The following GDPD1 variants were observed in gnomAD, a reference collection of about 807,000 sequenced individuals.
The protein encoded by GDPD1 is lysophospholipase D GDPD1.
GDPD1 carries 28 observed loss-of-function variants against 45.1 expected under a neutral mutation model. That is an observed-to-expected ratio of 0.62 (90% CI 0.46 to 0.85). GDPD1 has a LOEUF of 0.85. Ranked by LOEUF, GDPD1 falls within the 40% of genes least tolerant of loss-of-function variation. The pLI, the probability that GDPD1 is intolerant of heterozygous loss-of-function variation, is 0.00. For synonymous variants in GDPD1, 139 were observed against 131.4 expected (o/e 1.06, Z -0.40); for missense variants, 256 against 364.8 (o/e 0.70, Z 2.43).
intron 3 of GDPD1, among the ~76,000 whole-genome samples, chr17:59,247,782 C>T (rs916831196): frequency 6.6e-6 from 1 of 151,998 alleles, no homozygotes. Context: ...AGGCATGCGC[C>T]ACCACACCTG....
intron 3 of GDPD1, among the ~76,000 whole-genome samples, chr17:59,247,309 G>A (rs1000914526): frequency 5.3e-5 from 8 of 152,058 alleles, no homozygotes; most frequent in African/African-American, 1.9e-4. Context: ...AATTTATAAT[G>A]ACATGTATCC....
chr17:59,241,593 C>T (rs1310292824), intron 2 of GDPD1, among the ~76,000 whole-genome samples: 1 of 151,582 alleles, frequency 6.6e-6, no homozygotes, highest in Non-Finnish European at 1.5e-5. Flanking sequence ...GCTGGGATTA[C>T]AGGCATGAGC....
intron 8 of GDPD1, among the ~76,000 whole-genome samples, chr17:59,271,255 G>A (rs914161789): frequency 2.0e-5 from 3 of 152,044 alleles, no homozygotes; most frequent in Non-Finnish European, 2.9e-5. Context: ...TTATTTACTT[G>A]GGGTTATCTA....
At chr17:59,251,191 C>T (rs1392829118) in intron 4 of GDPD1, among the ~76,000 whole-genome samples, 2 of 152,192 alleles carry the variant, frequency 1.3e-5, no homozygotes, top group East Asian at 3.8e-4. Context: ...TACTCCCTCT[C>T]CATTGGAACA....
chr17:59,266,218 C>A, intron 6 of GDPD1, among the ~76,000 whole-genome samples: 1 of 151,778 alleles, frequency 6.6e-6, no homozygotes, highest in East Asian at 1.9e-4. Context: ...GAAACCACAT[C>A]TCTACTAAAA....
At chr17:59,224,551 G>A (rs1239126924) in intron 1 of GDPD1, among the ~76,000 whole-genome samples, 1 of 151,646 alleles carries the variant, frequency 6.6e-6, no homozygotes, top group Non-Finnish European at 1.5e-5. Context: ...CGTGAACCCG[G>A]GAGGCGGAGC....
chr17:59,242,414 A>G (rs1192121265), intron 2 of GDPD1, among the ~76,000 whole-genome samples: 1 of 152,164 alleles, frequency 6.6e-6, no homozygotes. Flanking sequence ...ATAAAAGTTT[A>G]TATTCTAAAA....
At chr17:59,245,918 C>T (rs1321488745) in intron 3 of GDPD1, among the ~76,000 whole-genome samples, 4 of 151,864 alleles carry the variant, frequency 2.6e-5, no homozygotes, top group Non-Finnish European at 2.9e-5. Flanking sequence ...GTCAGGAGTT[C>T]GAGACCAGCC....
In GDPD1 at chr17:59,274,438, G is replaced by A. The variant is rs142165369; in HGVS notation, c.*665G>A. The A allele has an allele frequency of 0.03, 4,538 of 150,664 alleles. 227 individuals carry two copies. The highest frequency in any genetic ancestry group is 0.11 in the African/African-American group (4,309 of 40,792). The allele number at this position is 150,664 out of a possible 1,614,324, so 9.3% of individuals were successfully genotyped here. A position where few individuals can be genotyped will look rare whatever the true frequency, so the allele number is the denominator to read the frequency against. On this transcript the variant is annotated 3_prime_UTR_variant, in exon 10 of 10. Transcript: ENST00000284116. ...TGAGGCACAAGAATTGCTTGAACCCGGGAGGCAGAGGCTGTAGTGAGCCAA... is the reference window on the plus strand; with the variant it reads ...TGAGGCACAAGAATTGCTTGAACCCAGGAGGCAGAGGCTGTAGTGAGCCAA...
At chr17:59,224,491 G>A (rs1477579412) in intron 1 of GDPD1, among the ~76,000 whole-genome samples, 2 of 151,954 alleles carry the variant, frequency 1.3e-5, no homozygotes, top group Non-Finnish European at 2.9e-5. Flanking sequence ...TGAGCGTGGT[G>A]GCGGGCGCCT....
chr17:59,248,770 G>A lies in GDPD1; in HGVS notation c.352G>A (p.Val118Ile), dbSNP rs755066761. 2.5e-6 allele frequency: 4 copies of A among 1,604,406 alleles called. No individual in the cohort carries two copies. Among genetic ancestry groups the A allele is most frequent in the Admixed American group, 1.7e-5 (1 of 58,904 alleles). ...CCCACCTTACCTTGGCAAACTGGATGTCTCATTTCAAAGAGGTAATATTTT... is the reference window on the plus strand; with the variant it reads ...CCCACCTTACCTTGGCAAACTGGATATCTCATTTCAAAGAGGTAATATTTT... ...ELPPYLGKLD[V>I]SFQRACQCEG... The change falls in exon 4 of 10, where the codon GTC becomes ATC. Residue 118 changes from valine (V) to isoleucine (I), a missense_variant. Coordinates refer to ENST00000284116, the MANE Select transcript of GDPD1 (RefSeq NM_182569.4).
intron 6 of GDPD1, among the ~76,000 whole-genome samples, chr17:59,260,157 C>A (rs1246622881): frequency 1.5e-5 from 2 of 137,314 alleles, no homozygotes; most frequent in Admixed American, 1.6e-4. Flanking sequence ...TAGATTTAAG[C>A]AAGTTAAGCC....
At chr17:59,260,382 A>C (rs2047346164) in intron 6 of GDPD1, among the ~76,000 whole-genome samples, 1 of 151,980 alleles carries the variant, frequency 6.6e-6, no homozygotes, top group Admixed American at 6.6e-5. Context: ...TCTCTACTAA[A>C]AATACAAAAA....
At chr17:59,225,090 C>CTTT (rs796851725) in intron 1 of GDPD1, among the ~76,000 whole-genome samples, 22 of 113,678 alleles carry the variant, frequency 1.9e-4, no homozygotes, top group Non-Finnish European at 2.8e-4. Flanking sequence ...TCTTTCTTTT[C>CTTT]TTTTTTTTTT....
In GDPD1 at chr17:59,275,040, C is replaced by T. The variant is rs1722621831; in HGVS notation, c.*1267C>T. ...TATTTTTAGTAGAGACAGGGTTTTG[C>T]CACGTTGGCCAGACTGGTCTCGAAC... On this transcript the variant is annotated 3_prime_UTR_variant, in exon 10 of 10. Coordinates refer to ENST00000284116, the MANE Select transcript of GDPD1 (RefSeq NM_182569.4). The T allele has an allele frequency of 7.9e-6, 6 of 758,478 alleles. No homozygotes were observed. The highest frequency in any genetic ancestry group is 1.3e-5 in the Non-Finnish European group (6 of 452,552). The allele number at this position is 758,478 out of a possible 1,614,324, so 47.0% of individuals were successfully genotyped here.
intron 9 of GDPD1, 71 bp downstream of exon 9, chr17:59,272,907 A>G (rs763920757): frequency 7.4e-6 from 12 of 1,612,348 alleles, no homozygotes; most frequent in Non-Finnish European, 1.0e-5. Flanking sequence ...AAAGGGCAAG[A>G]ACTTTTAACT....
rs1568346854 is a variant in GDPD1 at position 59,255,829 on chromosome 17, GCGTATATATATATATATATATACACA to G, written c.368-1272_368-1247del. Among the ~76,000 whole-genome samples, 5 of 50,892 alleles carry G rather than the reference GCGTATATATATATATATATATACACA, an allele frequency of 9.8e-5. 1 individual carries two copies. Among genetic ancestry groups the G allele is most frequent in the Admixed American group, 2.6e-4 (1 of 3,900 alleles). 33.4% of individuals were successfully genotyped at this position (50,892 alleles called of 152,430 possible). A position where few individuals can be genotyped will look rare whatever the true frequency, so the allele number is the denominator to read the frequency against. On this transcript the variant is annotated intron_variant, in intron 4 of 9. Coordinates refer to ENST00000284116, the MANE Select transcript of GDPD1 (RefSeq NM_182569.4). ...TATATATACGCGTATATATATATAC[GCGTATATATATATATATATATACACA>G]CGTATATATATATATATATACACAC...
rs1450606495 is a variant in GDPD1 at position 59,259,881 on chromosome 17, G to A, written c.576+2041G>A. On this transcript the variant is annotated intron_variant, in intron 6 of 9. Transcript: ENST00000284116. The stretch of plus-strand genomic sequence containing the variant: ...TTTGAGACCAGCCTAGGGAACATGA[G>A]GAAACCCCATCTCTACTAAAAATAC... 2.0e-5 allele frequency among the ~76,000 whole-genome samples: 3 copies of A among 150,558 alleles called. No individual in the cohort carries two copies. The East Asian group carries it at 5.9e-4, about 29-fold the overall frequency.
intron 6 of GDPD1, among the ~76,000 whole-genome samples, chr17:59,258,957 A>G (rs1353210103): frequency 2.0e-5 from 3 of 150,748 alleles, no homozygotes; most frequent in Non-Finnish European, 4.4e-5. Context: ...CCCCCTTTCT[A>G]TTATTATTAT....
Sources: allele counts gnomAD v4.1 joint callset (sites outside exome capture counted in the v4.1 genomes callset), GRCh38; gene constraint gnomAD v4.1.1; transcripts MANE v1.5; gene names NCBI Gene and HGNC (gene_info 2026-07-23, HGNC 2026-07-21).